COL24A1: variants seen among roughly 807,000 people sequenced by gnomAD.
The protein encoded by COL24A1 is collagen type XXIV alpha 1 chain, also known as collagen alpha-1(XXIV) chain.
COL24A1 carries 224 observed loss-of-function variants against 253.9 expected under a neutral mutation model. The observed-to-expected ratio is 0.88, with a 90% CI of 0.79 to 0.99. COL24A1 has a LOEUF of 0.99. Among genes scored for constraint, COL24A1 ranks in the 50% least tolerant of loss-of-function variants. The pLI is 0.00. For missense variants in COL24A1, 2,131 were observed against 2,068.5 expected, an observed-to-expected ratio of 1.03 and a Z score of -0.59; for synonymous variants, 685 against 673.7, an observed-to-expected ratio of 1.02 and a Z score of -0.26.
chr1:85,747,000 T>C (rs1027879603), intron 55 of COL24A1, among the ~76,000 whole-genome samples: 1 of 152,008 alleles, frequency 6.6e-6, no homozygotes, highest in African/African-American at 2.4e-5. Context: ...CCTAGCATAG[T>C]GGTTCTCAAA....
chr1:85,744,766 A>C lies in COL24A1; in HGVS notation c.4572T>G (p.Leu1524=). The C allele has an allele frequency of 6.2e-7, 1 of 1,610,248 alleles. No individual in the cohort carries two copies. The highest frequency in any genetic ancestry group is 1.1e-5 in the South Asian group (1 of 90,772). The change falls in exon 57 of 60, where the codon CTT becomes CTG. Residue 1524 remains leucine, a synonymous_variant. Transcript: ENST00000370571. ...TCTTGATGCTGTGCAATAAATTGCT[A>C]AGGTAGTTCAGGGTTTTGAATATCT... ...SEEIFKTLNY[L]SNLLHSIKNP...
At chr1:85,847,323 T>C (rs553461901) in intron 39 of COL24A1, among the ~76,000 whole-genome samples, 2 of 152,350 alleles carry the variant, frequency 1.3e-5, no homozygotes, top group African/African-American at 4.8e-5. Context: ...TTGTCAACCA[T>C]GACAGCATAG....
chr1:85,860,731 ACT>A (rs1327655244), intron 37 of COL24A1, among the ~76,000 whole-genome samples: 7 of 152,166 alleles, frequency 4.6e-5, no homozygotes, highest in Non-Finnish European at 1.0e-4. Flanking sequence ...ACAGAGCAAG[ACT>A]CTGTCTCAAA....
chr1:85,795,780 C>A (rs1451962581), intron 47 of COL24A1, among the ~76,000 whole-genome samples: 2 of 151,780 alleles, frequency 1.3e-5, no homozygotes, highest in Non-Finnish European at 2.9e-5. Flanking sequence ...AATATAATAT[C>A]CTAGATTATT....
intron 19 of COL24A1, among the ~76,000 whole-genome samples, chr1:85,997,055 G>A (rs867342477): frequency 5.9e-4 from 56 of 95,108 alleles, no homozygotes; most frequent in Middle Eastern, 5.1e-3. Context: ...GTGTGTGTGT[G>A]TATATATATA....
chr1:85,796,108 TA>T (rs1244490214), intron 47 of COL24A1, among the ~76,000 whole-genome samples: 1 of 152,194 alleles, frequency 6.6e-6, no homozygotes, highest in Non-Finnish European at 1.5e-5. Flanking sequence ...AGCTATATAC[TA>T]AAGTTAGGAG....
At position 85,938,506 on chromosome 1, in the gene COL24A1, C is replaced by T. The variant is rs1313079975; in HGVS notation, c.2562+22743G>A. Reference sequence around the variant, plus strand: ...GGGAGAAGATTAATATCACTGAAGTCTTAAAATCAGCTGCAGTGCTAGGGG... The same window carrying T: ...GGGAGAAGATTAATATCACTGAAGTTTTAAAATCAGCTGCAGTGCTAGGGG... On this transcript the variant is annotated intron_variant, in intron 24 of 59. Transcript: ENST00000370571. Among the ~76,000 whole-genome samples, 5 of 146,698 alleles carry T rather than the reference C, an allele frequency of 3.4e-5. 1 individual carries two copies. The highest frequency in any genetic ancestry group is 5.0e-5 in the African/African-American group (2 of 40,022).
chr1:86,060,482 T>G (rs1701004034), intron 8 of COL24A1, among the ~76,000 whole-genome samples: 1 of 152,128 alleles, frequency 6.6e-6, no homozygotes, highest in South Asian at 2.1e-4. Flanking sequence ...ATGCTAAAAC[T>G]TCTAAAAATT....
chr1:85,789,385 C>T (rs1227886785), intron 47 of COL24A1, among the ~76,000 whole-genome samples: 3 of 152,056 alleles, frequency 2.0e-5, no homozygotes, highest in African/African-American at 2.4e-5. Context: ...TATGGGAATG[C>T]TTGTGGTTTC....
chr1:85,896,427 A>G lies in COL24A1; in HGVS notation c.2779-18T>C. The G allele has an allele frequency of 1.2e-6, 2 of 1,601,000 alleles. No individual in the cohort carries two copies. The highest frequency in any genetic ancestry group is 1.7e-6 in the Non-Finnish European group (2 of 1,168,516). On this transcript the variant is annotated intron_variant, in intron 28 of 59. Coordinates refer to ENST00000370571, the MANE Select transcript of COL24A1 (RefSeq NM_152890.7). ...CTTGATCCCTAGAGGTGAAAAAAAT[A>G]TCCTGTTGTTAATTTGAAATGTTCC...
At chr1:85,956,750 A>G (rs1429033947) in intron 24 of COL24A1, among the ~76,000 whole-genome samples, 1 of 152,196 alleles carries the variant, frequency 6.6e-6, no homozygotes, top group Non-Finnish European at 1.5e-5. Flanking sequence ...GTCCCCACCG[A>G]TTATTTGCCA....
intron 51 of COL24A1, among the ~76,000 whole-genome samples, chr1:85,782,431 T>G (rs1013006284): frequency 5.9e-5 from 9 of 152,172 alleles, no homozygotes; most frequent in Admixed American, 5.2e-4. Flanking sequence ...TTAGGGTACA[T>G]GTGCACAACG....
rs1049101844 is a variant in COL24A1, at chr1:85,765,526, G to T, written c.4375-3960C>A. Among the ~76,000 whole-genome samples the T allele has an allele frequency of 2.1e-5, 3 of 143,386 alleles. No homozygotes were observed. The Admixed American group carries it at 2.2e-4, about 10-fold the overall frequency. 94.1% of individuals were successfully genotyped at this position (143,386 alleles called of 152,430 possible). A position where few individuals can be genotyped will look rare whatever the true frequency, so the allele number is the denominator to read the frequency against. The stretch of plus-strand genomic sequence containing the variant: ...TCGAGGCCAGCCTGGGCAACACTGG[G>T]AGACACTGTCTCTACCGAAAAAAAA... On this transcript the variant is annotated intron_variant, in intron 53 of 59. Transcript: ENST00000370571.
chr1:86,022,529 A>C lies in COL24A1; in HGVS notation c.2202+9T>G. The C allele has an allele frequency of 6.2e-7, 1 of 1,607,166 alleles. No individual in the cohort carries two copies. ...CATATTTACATAAAATTAATGGTAT[A>C]AACATTACCTTGTCTCCAGGATACC... On this transcript the variant is annotated intron_variant, in intron 17 of 59. Coordinates refer to ENST00000370571, the MANE Select transcript of COL24A1 (RefSeq NM_152890.7).
chr1:85,974,258 C>T (rs777981735), intron 20 of COL24A1, among the ~76,000 whole-genome samples: 9 of 152,042 alleles, frequency 5.9e-5, no homozygotes, highest in South Asian at 4.1e-4. Flanking sequence ...ATACTGAATC[C>T]TCAAATGGGA....
Position 86,125,513 on chromosome 1 carries a change from C to G in COL24A1, c.823G>C (p.Ala275Pro), listed in dbSNP as rs1205645232. Residue 275 changes from alanine to proline, a missense_variant, in exon 3 of 60, where the codon GCT becomes CCT. Coordinates refer to ENST00000370571, the MANE Select transcript of COL24A1 (RefSeq NM_152890.7). ...PEHSPPPKLF[A>P]EKVLSEDTFT... ...GTATCCTCTGACAGTACTTTTTCAG[C>G]AAATAGTTTGGGCGGGGGAGAGTGT... 2.2e-5 allele frequency: 36 copies of G among 1,613,424 alleles called. No homozygotes were observed. Among genetic ancestry groups the G allele is most frequent in the Non-Finnish European group, 3.0e-5 (35 of 1,179,778 alleles).
At chr1:85,848,840 C>G (rs573682972) in intron 38 of COL24A1, among the ~76,000 whole-genome samples, 1 of 152,054 alleles carries the variant, frequency 6.6e-6, no homozygotes, top group Non-Finnish European at 1.5e-5. Flanking sequence ...AAGACTTGCA[C>G]TGTCTCACTA....
intron 5 of COL24A1, among the ~76,000 whole-genome samples, chr1:86,110,847 C>A (rs538350890): frequency 4.0e-5 from 6 of 150,484 alleles, no homozygotes; most frequent in East Asian, 3.9e-4. Flanking sequence ...TGGGCTGCCG[C>A]GCGGCCCAAG....
chr1:85,875,152 C>A, intron 34 of COL24A1, 125 bp downstream of exon 34: 1 of 791,052 alleles, frequency 1.3e-6, no homozygotes, highest in Non-Finnish European at 2.1e-6. Context: ...CAAAACATTT[C>A]CTGTTTTTAT....
Sources: gnomAD v4.1 joint callset for allele counts (sites outside exome capture counted in the v4.1 genomes callset) on GRCh38, gnomAD v4.1.1 for gene constraint, MANE v1.5 for transcripts, NCBI Gene and HGNC (gene_info 2026-07-23, HGNC 2026-07-21) for gene names.